The following PSG3 variants were observed in gnomAD, a reference collection of about 807,000 sequenced individuals.
PSG3 encodes pregnancy-specific beta-1-glycoprotein 3.
A neutral mutation model predicts 47.5 loss-of-function variants in PSG3; 61 were observed. The ratio of observed to expected loss-of-function variants is 1.28; its 90% CI spans 1.05 to 1.59. The LOEUF is 1.59. Among genes scored for constraint, PSG3 ranks in the 40% most tolerant of loss-of-function variants. The probability of loss-of-function intolerance (pLI) is 0.00; values close to 1 mark genes in which losing one functional copy is unlikely to be tolerated. For synonymous variants in PSG3, 263 were observed against 198.4 expected (o/e 1.33, Z -2.74); for missense variants, 756 against 524.0 (o/e 1.44, Z -4.32).
At chr19:42,739,827 GAT>G in intron 1 of PSG3, among the ~76,000 whole-genome samples, 1 of 152,278 alleles carries the variant, frequency 6.6e-6, no homozygotes, top group African/African-American at 2.4e-5. Flanking sequence ...GAACACTTAA[GAT>G]TTTCCTACCT....
At chr19:42,735,091 A>C (rs1041921401) in intron 2 of PSG3, among the ~76,000 whole-genome samples, 1 of 152,030 alleles carries the variant, frequency 6.6e-6, no homozygotes, top group Non-Finnish European at 1.5e-5. Flanking sequence ...CCACCTGGCC[A>C]CCTCCACCTG....
At chr19:42,731,474 T>C (rs1969472569) in intron 3 of PSG3, among the ~76,000 whole-genome samples, 1 of 152,190 alleles carries the variant, frequency 6.6e-6, no homozygotes, top group Non-Finnish European at 1.5e-5. Flanking sequence ...AATTCCATAC[T>C]GGCCATGCTG....
rs1214343809 is a variant in PSG3, at chr19:42,729,946, A to C, written c.820T>G (p.Trp274Gly). ...ACCGGGAGGCTCTGACCATTTAGCC[A>C]CCAAATGTAGGTGTAGTTCTCACTC... is the stretch of plus-strand genomic sequence containing the variant. The part of the protein sequence containing the change: ...PKSENYTYIW[W>G]LNGQSLPVSP... Residue 274 changes from tryptophan to glycine, a missense_variant, in exon 4 of 7, where the codon TGG becomes GGG. Trp to Gly is a radical substitution (Grantham distance 184). Coordinates refer to ENST00000327495, the MANE Select transcript of PSG3 (RefSeq NM_021016.4). The C allele has an allele frequency of 1.2e-5, 19 of 1,612,032 alleles. No homozygotes were observed. The highest frequency in any genetic ancestry group is 1.6e-5 in the Non-Finnish European group (19 of 1,179,862).
At chr19:42,733,911 A>T (rs537887927) in intron 2 of PSG3, 15 of 152,336 alleles carry the variant, frequency 9.8e-5, no homozygotes, top group East Asian at 5.8e-4. Context: ...GAACATGAAC[A>T]GATGATGGAA....
At chr19:42,724,719 A>G (rs1001297719) in intron 5 of PSG3, among the ~76,000 whole-genome samples, 2 of 152,018 alleles carry the variant, frequency 1.3e-5, no homozygotes, top group Admixed American at 6.6e-5. Flanking sequence ...GTCTTCCCTG[A>G]TAAGTTATCT....
intron 6 of PSG3, among the ~76,000 whole-genome samples, 193 bp from the exon 7 acceptor site, chr19:42,722,283 C>T (rs1265028228): frequency 1.3e-5 from 2 of 152,238 alleles, no homozygotes; most frequent in African/African-American, 4.8e-5. Context: ...CGGAGTCTCA[C>T]TCTGTCACCC....
intron 5 of PSG3, 140 bp downstream of exon 5, chr19:42,728,983 A>C: frequency 6.4e-7 from 1 of 1,560,112 alleles, no homozygotes; most frequent in South Asian, 1.2e-5. Context: ...ACAAATTGGG[A>C]GGGTTCAGGA....
intron 1 of PSG3, 89 bp from the exon 2 acceptor site, chr19:42,739,178 AT>A (rs1277869737): frequency 2.0e-6 from 3 of 1,464,628 alleles, no homozygotes; most frequent in Non-Finnish European, 2.8e-6. Flanking sequence ...GGTCTCTTCA[AT>A]CCTCAGCTTT....
At chr19:42,726,364 G>C (rs1234636529) in intron 5 of PSG3, among the ~76,000 whole-genome samples, 1 of 152,150 alleles carries the variant, frequency 6.6e-6, no homozygotes, top group African/African-American at 2.4e-5. Context: ...TCTGTTTACA[G>C]ATAACTTGAA....
chr19:42,722,798 T>A (rs1205708552), intron 6 of PSG3, among the ~76,000 whole-genome samples: 4 of 152,216 alleles, frequency 2.6e-5, no homozygotes, highest in Non-Finnish European at 5.9e-5. Flanking sequence ...TACTTCCAGC[T>A]GAACATCATT....
At chr19:42,726,743 C>T (rs535492466) in intron 5 of PSG3, among the ~76,000 whole-genome samples, 1 of 152,104 alleles carries the variant, frequency 6.6e-6, no homozygotes, top group Admixed American at 6.5e-5. Context: ...AATAAAATTC[C>T]TATCAGAATC....
At chr19:42,735,964 A>G (rs1053206283) in intron 2 of PSG3, among the ~76,000 whole-genome samples, 10 of 152,226 alleles carry the variant, frequency 6.6e-5, no homozygotes, top group African/African-American at 2.4e-4. Context: ...TCTGGTATCT[A>G]GTCTCAGGCT....
At chr19:42,739,178 ATCCTC>A in intron 1 of PSG3, 89 bp from the exon 2 acceptor site, 1 of 1,464,704 alleles carries the variant, frequency 6.8e-7, no homozygotes, top group Non-Finnish European at 9.3e-7. Flanking sequence ...GGTCTCTTCA[ATCCTC>A]AGCTTTGAAG....
Position 42,739,205 on chromosome 19 carries a change from C to T in PSG3, c.65-116G>A, listed in dbSNP as rs1334044102. The stretch of plus-strand genomic sequence containing the variant: ...CCTCAGCTTTGAAGAGACACACACA[C>T]ACACATACAAACACACACACACACA... On this transcript the variant is annotated intron_variant, in intron 1 of 6. Transcript: ENST00000327495. 7 of 1,390,304 alleles carry T rather than the reference C, an allele frequency of 5.0e-6. No homozygotes were observed. The East Asian group carries it at 1.6e-4, about 32-fold the overall frequency. The allele number at this position is 1,390,304 out of a possible 1,614,324, so 86.1% of individuals were successfully genotyped here.
intron 5 of PSG3, among the ~76,000 whole-genome samples, chr19:42,724,322 C>A (rs2048385718): frequency 6.6e-6 from 1 of 152,182 alleles, no homozygotes; most frequent in African/African-American, 2.4e-5. Flanking sequence ...AACTTGCCAC[C>A]TTTGCACCTT....
chr19:42,732,773 G>C lies in PSG3; in HGVS notation c.709+11C>G, dbSNP rs373531400. On this transcript the variant is annotated intron_variant, in intron 3 of 6. Transcript: ENST00000327495. ...GGCAGACTGGCTCACAGAGGAACAG[G>C]AGATACTCACGGAGGAGATTCAGGG... is the stretch of plus-strand genomic sequence containing the variant. 5.8e-5 allele frequency: 93 copies of C among 1,614,186 alleles called. 1 individual carries two copies. Among genetic ancestry groups the C allele is most frequent in the Admixed American group, 1.0e-4 (6 of 60,022 alleles).
chr19:42,726,584 G>C (rs1006188536), intron 5 of PSG3, among the ~76,000 whole-genome samples: 1 of 152,084 alleles, frequency 6.6e-6, no homozygotes, highest in Non-Finnish European at 1.5e-5. Flanking sequence ...TTTAACCAAA[G>C]AGGTAAAATG....
At position 42,732,987 on chromosome 19, in the gene PSG3, C is replaced by T; in HGVS notation, c.506G>A (p.Cys169Tyr). The T allele has an allele frequency of 1.9e-6, 3 of 1,614,134 alleles. No individual in the cohort carries two copies. The highest frequency in any genetic ancestry group is 2.5e-6 in the Non-Finnish European group (3 of 1,180,020). ...GCTTGCGTCCGGAGTCTCAGGATCA[C>T]AGGTTAAGCTCACAGCCTCCATGTC... ...REDMEAVSLTCDPETPDASYL... is the reference protein window; with the variant it reads ...REDMEAVSLTYDPETPDASYL... Residue 169 changes from cysteine to tyrosine, a missense_variant, in exon 3 of 7, where the codon TGT becomes TAT. Transcript: ENST00000327495.
intron 3 of PSG3, 40 bp downstream of exon 3, chr19:42,732,744 G>T (rs201350353): frequency 3.7e-6 from 6 of 1,614,144 alleles, no homozygotes; most frequent in Non-Finnish European, 5.1e-6. Context: ...CGTGTATTTG[G>T]GATGGCAGAC....
Sources: gnomAD v4.1 joint callset for allele counts (sites outside exome capture counted in the v4.1 genomes callset) on GRCh38, gnomAD v4.1.1 for gene constraint, MANE v1.5 for transcripts, NCBI Gene and HGNC (gene_info 2026-07-23, HGNC 2026-07-21) for gene names.